The following COL4A6 variants were observed in gnomAD, a reference collection of about 807,000 sequenced individuals.
The protein encoded by COL4A6 is collagen alpha-6(IV) chain.
COL4A6 carries 59 observed loss-of-function variants against 126.7 expected under a neutral mutation model. The observed-to-expected ratio is 0.47, with a 90% confidence interval of 0.38 to 0.58. The LOEUF (loss-of-function observed/expected upper bound fraction) is 0.58, where lower values mean the gene tolerates loss of function less well. Among genes scored for constraint, COL4A6 ranks in the 20% least tolerant of loss-of-function variants. The pLI is 0.00. For synonymous variants in COL4A6, 547 were observed against 496.6 expected, an observed-to-expected ratio of 1.10 and a Z score of -1.35; for missense variants, 1,285 against 1,337.3, an observed-to-expected ratio of 0.96 and a Z score of 0.61.
intron 3 of COL4A6, among the ~76,000 whole-genome samples, chrX:108,272,409 CA>C (rs1284816219): frequency 8.9e-6 from 1 of 111,763 alleles, no homozygotes; most frequent in Admixed American, 9.6e-5. Context: ...GTACCTAGAA[CA>C]CTGATTCTCA....
Position 108,192,513 on chromosome X carries a change from T to C in COL4A6, c.1140A>G (p.Leu380=). 2 of 1,210,136 alleles carry C rather than the reference T, an allele frequency of 1.7e-6. No individual in the cohort carries two copies. Among genetic ancestry groups the C allele is most frequent in the Middle Eastern group, 2.3e-4 (1 of 4,340 alleles). Residue 380 remains leucine, a synonymous_variant, in exon 18 of 45, where the codon CTA becomes CTG. Coordinates refer to ENST00000334504, the MANE Select transcript of COL4A6 (RefSeq NM_033641.4). ...GLKGDEGIQG[L]RGPSGVPGLP... ...ATCCAGGGACACCAGAAGGGCCACG[T>C]AGGCCTTGGATGCCTTCATCTCCTT...
intron 3 of COL4A6, among the ~76,000 whole-genome samples, chrX:108,245,524 G>A (rs2036696125): frequency 8.9e-6 from 1 of 111,970 alleles, no homozygotes; most frequent in South Asian, 3.8e-4. Flanking sequence ...GCTAAGCCTG[G>A]AGTGAAAGTG....
rs749719870 is a variant in COL4A6 at position 108,299,175 on chromosome X, A to G, written c.144+11573T>C. Among the ~76,000 whole-genome samples the G allele has an allele frequency of 2.7e-5, 3 of 111,851 alleles. No homozygotes were observed. The East Asian group carries it at 8.4e-4, about 31-fold the overall frequency. The stretch of plus-strand genomic sequence containing the variant: ...GGTTTAAGCACATTTCTGAATTCAT[A>G]GAGTGTCTGAATGGGTTTTAAGAAT... On this transcript the variant is annotated intron_variant, in intron 3 of 44. Coordinates refer to ENST00000334504, the MANE Select transcript of COL4A6 (RefSeq NM_033641.4).
intron 2 of COL4A6, among the ~76,000 whole-genome samples, chrX:108,437,342 T>C (rs2064286774): frequency 1.8e-5 from 2 of 112,215 alleles, no homozygotes. Flanking sequence ...TTTGATTTTT[T>C]TTTCTATTAT....
At chrX:108,162,832 C>G in intron 41 of COL4A6, 60 bp downstream of exon 41, 1 of 1,081,523 alleles carries the variant, frequency 9.2e-7, no homozygotes, top group Non-Finnish European at 1.2e-6. Context: ...TCCAAGCCAG[C>G]CTCTCAGCCA....
rs141341892 is a variant in COL4A6 at position 108,276,905 on chromosome X, C to A, written c.144+33843G>T. Among the ~76,000 whole-genome samples, 209 of 112,380 alleles carry A rather than the reference C, an allele frequency of 1.9e-3. 1 individual carries two copies. The East Asian group carries it at 0.038, about 20-fold the overall frequency. ...TGGGGCTCTGTTTCTTCATCTGTAT[C>A]ATGAGAAAGCTGGACTAGATTAATA... On this transcript the variant is annotated intron_variant, in intron 3 of 44. Transcript: ENST00000334504.
chrX:108,333,547 G>A (rs12835738), intron 2 of COL4A6, among the ~76,000 whole-genome samples: 1,839 of 110,685 alleles, frequency 0.017, 17 homozygotes, highest in Middle Eastern at 0.032. Flanking sequence ...ATTCAACATA[G>A]TACTGGAAGT....
At chrX:108,304,287 A>G (rs1305242074) in intron 3 of COL4A6, among the ~76,000 whole-genome samples, 1 of 112,252 alleles carries the variant, frequency 8.9e-6, no homozygotes, top group Non-Finnish European at 1.9e-5. Flanking sequence ...AATGATTAAG[A>G]TAACCACGAA....
intron 2 of COL4A6, among the ~76,000 whole-genome samples, chrX:108,433,509 C>T (rs2064208789): frequency 9.1e-6 from 1 of 109,692 alleles, no homozygotes; most frequent in Admixed American, 9.7e-5. Context: ...ACTGTTTTTT[C>T]TTTCTTTTTC....
chrX:108,284,492 T>C (rs2147820925), intron 3 of COL4A6, among the ~76,000 whole-genome samples: 1 of 111,867 alleles, frequency 8.9e-6, no homozygotes, highest in African/African-American at 3.2e-5. Context: ...TGATCCAATA[T>C]AGTAAAGCAT....
chrX:108,177,131 T>C, intron 27 of COL4A6, 120 bp from the exon 28 acceptor site: 1 of 624,776 alleles, frequency 1.6e-6, no homozygotes, highest in Non-Finnish European at 2.5e-6. Flanking sequence ...TAAATGGCCC[T>C]TTAACAATAG....
At chrX:108,391,012 C>T (rs181406567) in intron 2 of COL4A6, among the ~76,000 whole-genome samples, 1 of 111,385 alleles carries the variant, frequency 9.0e-6, no homozygotes, top group East Asian at 2.8e-4. Flanking sequence ...GAGGTCCACT[C>T]CAGACCCTGT....
chrX:108,162,804 C>T (rs2034002536), intron 41 of COL4A6, 88 bp downstream of exon 41: 1 of 968,148 alleles, frequency 1.0e-6, no homozygotes, highest in African/African-American at 2.0e-5. Context: ...GATGAAGACA[C>T]ACCCTTGGAG....
At chrX:108,413,718 T>C (rs1321895883) in intron 2 of COL4A6, among the ~76,000 whole-genome samples, 1 of 111,995 alleles carries the variant, frequency 8.9e-6, no homozygotes, top group Non-Finnish European at 1.9e-5. Context: ...GTGCTGGCCT[T>C]ACCTGGCTTC....
chrX:108,274,836 C>T (rs1296855384), intron 3 of COL4A6, among the ~76,000 whole-genome samples: 2 of 111,354 alleles, frequency 1.8e-5, no homozygotes, highest in African/African-American at 6.5e-5. Flanking sequence ...TTCTTCAAAG[C>T]CAGCTGGACA....
chrX:108,377,452 A>C (rs996950238), intron 2 of COL4A6, among the ~76,000 whole-genome samples: 1 of 108,679 alleles, frequency 9.2e-6, no homozygotes, highest in Non-Finnish European at 1.9e-5. Flanking sequence ...GTAAAAGTTT[A>C]TTGACAGTCT....
intron 2 of COL4A6, among the ~76,000 whole-genome samples, chrX:108,423,270 T>C (rs2064015836): frequency 8.9e-6 from 1 of 112,057 alleles, no homozygotes; most frequent in African/African-American, 3.2e-5. Flanking sequence ...GTGAGAAACA[T>C]GCTTCCAATG....
rs767392854 is a variant in COL4A6 at position 108,160,565 on chromosome X, A to G, written c.4423T>C (p.Ser1475Pro). 1.7e-6 allele frequency: 2 copies of G among 1,211,317 alleles called. No individual in the cohort carries two copies. Among genetic ancestry groups the G allele is most frequent in the Non-Finnish European group, 2.2e-6 (2 of 895,280 alleles). Reference protein sequence around the residue: ...VGYTLVKHSQSEQVPPCPIGM... With the variant: ...VGYTLVKHSQPEQVPPCPIGM... The stretch of plus-strand genomic sequence containing the variant: ...ATGGGACACGGGGGCACCTGTTCCG[A>G]CTGGCTGTGCTTTACCAACGTGTAG... Residue 1475 changes from serine (S) to proline (P), a missense_variant, in exon 43 of 45, where the codon TCG (serine) becomes CCG (proline). Ser to Pro is a moderately conservative substitution (Grantham distance 74, BLOSUM62 -1). Transcript: ENST00000334504.
intron 3 of COL4A6, among the ~76,000 whole-genome samples, chrX:108,288,376 T>C (rs1024785868): frequency 1.8e-5 from 2 of 111,324 alleles, no homozygotes; most frequent in African/African-American, 3.3e-5. Flanking sequence ...AAAAAGTACA[T>C]TTTTTTTGTT....
Sources: allele counts gnomAD v4.1 joint callset (sites outside exome capture counted in the v4.1 genomes callset), GRCh38; gene constraint gnomAD v4.1.1; transcripts MANE v1.5; gene names NCBI Gene and HGNC (gene_info 2026-07-23, HGNC 2026-07-21).